The following PIP5K1A variants were observed in gnomAD, a reference collection of about 807,000 sequenced individuals.
The protein encoded by PIP5K1A is phosphatidylinositol-4-phosphate 5-kinase type 1 alpha.
Under a neutral mutation model 72.9 loss-of-function variants are expected in PIP5K1A, and 46 were observed. The observed-to-expected ratio is 0.63, with a 90% confidence interval of 0.50 to 0.81. PIP5K1A has a LOEUF of 0.81. PIP5K1A is among the 30% of genes least tolerant of loss of function. The pLI is 0.00. For missense variants in PIP5K1A, 458 were observed against 706.1 expected, an observed-to-expected ratio of 0.65 and a Z score of 3.98; for synonymous variants, 228 against 255.1, an observed-to-expected ratio of 0.89 and a Z score of 1.01.
chr1:151,217,297 A>C lies in PIP5K1A; in HGVS notation c.86-6948A>C, dbSNP rs1687781344. Among the ~76,000 whole-genome samples the C allele has an allele frequency of 2.0e-5, 3 of 152,090 alleles. No individual in the cohort carries two copies. In the South Asian group the frequency reaches 6.2e-4, roughly 32 times the overall value. On this transcript the variant is annotated intron_variant, in intron 1 of 15. Transcript: ENST00000368888. The stretch of plus-strand genomic sequence containing the variant: ...TTTTTGGTTTTGTTTTCCCTGGGAT[A>C]TAGATTTTCAGGTGTTCTGATTTCA...
intron 12 of PIP5K1A, among the ~76,000 whole-genome samples, chr1:151,241,240 A>G (rs1205173858): frequency 1.3e-5 from 2 of 152,132 alleles, no homozygotes; most frequent in Non-Finnish European, 2.9e-5. Flanking sequence ...AGTGTCTCAC[A>G]CCAGTAATCC....
intron 1 of PIP5K1A, among the ~76,000 whole-genome samples, chr1:151,207,060 A>AG (rs1686040097): frequency 6.9e-6 from 1 of 144,140 alleles, no homozygotes. Context: ...AGTAGAGATG[A>AG]GGTTTCACCA....
At chr1:151,224,898 G>C (rs1688884251) in intron 3 of PIP5K1A, among the ~76,000 whole-genome samples, 1 of 152,214 alleles carries the variant, frequency 6.6e-6, no homozygotes, top group South Asian at 2.1e-4. Context: ...TGTGAAAGGG[G>C]CCTCAGAATG....
upstream of PIP5K1A, chr1:151,198,104 C>T (rs762387588): frequency 1.1e-5 from 5 of 470,584 alleles, no homozygotes; most frequent in South Asian, 4.7e-5. Flanking sequence ...ATTTCGAATG[C>T]CATTCCGAGG....
At chr1:151,197,007 C>A (rs1416741674), upstream of PIP5K1A, among the ~76,000 whole-genome samples, 1 of 151,638 alleles carries the variant, frequency 6.6e-6, no homozygotes, top group African/African-American at 2.4e-5. Context: ...ATTACAGGCA[C>A]CCGCCACCAC....
At chr1:151,239,777 C>T (rs587743172) in intron 11 of PIP5K1A, among the ~76,000 whole-genome samples, 178 bp from the exon 12 acceptor site, 21 of 152,286 alleles carry the variant, frequency 1.4e-4, no homozygotes, top group African/African-American at 5.1e-4. Flanking sequence ...ATCCGCCCAC[C>T]TCAGCTTCCC....
At chr1:151,235,403 T>C (rs970541903) in intron 8 of PIP5K1A, among the ~76,000 whole-genome samples, 1 of 152,216 alleles carries the variant, frequency 6.6e-6, no homozygotes, top group Non-Finnish European at 1.5e-5. Flanking sequence ...TCTTGACCTC[T>C]GTACTCTTCT....
intron 1 of PIP5K1A, among the ~76,000 whole-genome samples, chr1:151,221,406 A>G (rs1570867144): frequency 1.3e-5 from 2 of 152,190 alleles, no homozygotes; most frequent in African/African-American, 4.8e-5. Context: ...TCTCTGTAGC[A>G]TTTATAGCCA....
upstream of PIP5K1A, among the ~76,000 whole-genome samples, chr1:151,197,591 T>C (rs1684677841): frequency 6.6e-6 from 1 of 152,240 alleles, no homozygotes; most frequent in African/African-American, 2.4e-5. Flanking sequence ...AAAACCTGTT[T>C]TAATGGAGTT....
intron 14 of PIP5K1A, among the ~76,000 whole-genome samples, chr1:151,244,955 G>A (rs1015264586): frequency 5.8e-5 from 8 of 138,662 alleles, no homozygotes; most frequent in African/African-American, 2.1e-4. Flanking sequence ...TTTTTTTTTG[G>A]TAGAGATGTC....
At position 151,225,727 on chromosome 1, in the gene PIP5K1A, C is replaced by T. The variant is rs148106641; in HGVS notation, c.156+1321C>T. ...TCAGGTGATCCACCCGCCTTGGCCTCCCAATGTGCTGGGATTACAGGTGTG... is the reference window on the plus strand; with the variant it reads ...TCAGGTGATCCACCCGCCTTGGCCTTCCAATGTGCTGGGATTACAGGTGTG... On this transcript the variant is annotated intron_variant, in intron 3 of 15. Transcript: ENST00000368888. 9.2e-3 allele frequency among the ~76,000 whole-genome samples: 1,400 copies of T among 152,162 alleles called. 14 individuals are homozygous for T. The highest frequency in any genetic ancestry group is 0.014 in the Non-Finnish European group (965 of 67,992).
chr1:151,229,167 C>CAG (rs1553298079), intron 4 of PIP5K1A, among the ~76,000 whole-genome samples: 1 of 41,364 alleles, frequency 2.4e-5, no homozygotes, highest in Non-Finnish European at 4.2e-5. Flanking sequence ...GACCCCGTCT[C>CAG]AAAAAAAAAA....
chr1:151,218,660 C>T (rs1486511532), intron 1 of PIP5K1A, among the ~76,000 whole-genome samples: 1 of 151,786 alleles, frequency 6.6e-6, no homozygotes, highest in Non-Finnish European at 1.5e-5. Context: ...ATGGTGAAAC[C>T]CCGTCTTGAC....
chr1:151,241,577 G>A (rs1263632218), intron 12 of PIP5K1A, among the ~76,000 whole-genome samples: 2 of 151,444 alleles, frequency 1.3e-5, no homozygotes, highest in Non-Finnish European at 2.9e-5. Flanking sequence ...TAGGTGGGCG[G>A]ACCACCTGAG....
rs587652607 is a variant in PIP5K1A at position 151,228,889 on chromosome 1, T to A, written c.237+1489T>A. Among the ~76,000 whole-genome samples, 10 of 152,104 alleles carry A rather than the reference T, an allele frequency of 6.6e-5. No homozygotes were observed. The East Asian group carries it at 1.7e-3, about 26-fold the overall frequency. ...TTACTTTTACTGAGCTCTTCATTTT[T>A]AAATTTTTTTTTTTTAAGAAATGGG... On this transcript the variant is annotated intron_variant, in intron 4 of 15. Coordinates refer to ENST00000368888, the MANE Select transcript of PIP5K1A (RefSeq NM_001135638.2).
chr1:151,236,810 A>T, intron 9 of PIP5K1A, 47 bp downstream of exon 9: 4 of 903,682 alleles, frequency 4.4e-6, no homozygotes, highest in South Asian at 3.7e-5. Context: ...GGCCCACAGC[A>T]CTTTTCTTTT....
rs372703080 is a variant in PIP5K1A, at chr1:151,239,916, C to G, written c.1279-39C>G. The G allele has an allele frequency of 2.3e-6, 3 of 1,329,836 alleles. No individual in the cohort carries two copies. In the South Asian group the frequency reaches 3.5e-5, roughly 16 times the overall value. The allele number at this position is 1,329,836 out of a possible 1,614,324, so 82.4% of individuals were successfully genotyped here. ...GCCCTTGGACTAGAGTTCCTCTTGC[C>G]GGGCCTCCTAACTCTATAGCATTTC... On this transcript the variant is annotated intron_variant, in intron 11 of 15. Transcript: ENST00000368888.
At chr1:151,203,510 CAA>C (rs2101891238) in intron 1 of PIP5K1A, among the ~76,000 whole-genome samples, 2 of 132,766 alleles carry the variant, frequency 1.5e-5, no homozygotes, top group South Asian at 4.9e-4. Context: ...GCCTGGGGGA[CAA>C]GAGTGAAACT....
At position 151,236,492 on chromosome 1, in the gene PIP5K1A, T is replaced by G. The variant is rs1690878251; in HGVS notation, c.940-66T>G. ...CCCTTTCTCAAAAAAACAAAAAAAT[T>G]GTGAGATCCTGAAAAATATTTTTAT... is the stretch of plus-strand genomic sequence containing the variant. On this transcript the variant is annotated intron_variant, in intron 8 of 15. Coordinates refer to ENST00000368888, the MANE Select transcript of PIP5K1A (RefSeq NM_001135638.2). 7 of 1,257,082 alleles carry G rather than the reference T, an allele frequency of 5.6e-6. No homozygotes were observed. The East Asian group carries it at 1.7e-4, about 30-fold the overall frequency. 77.9% of individuals were successfully genotyped at this position (1,257,082 alleles called of 1,614,324 possible).
Sources: allele counts gnomAD v4.1 joint callset (sites outside exome capture counted in the v4.1 genomes callset), GRCh38; gene constraint gnomAD v4.1.1; transcripts MANE v1.5; gene names NCBI Gene and HGNC (gene_info 2026-07-23, HGNC 2026-07-21).